Variants in PAK2 observed in about 807,000 individuals in gnomAD.
PAK2 encodes the protein p21 (RAC1) activated kinase 2, also known as serine/threonine-protein kinase PAK 2.
A neutral mutation model predicts 65.9 loss-of-function variants in PAK2; 21 were observed. The observed-to-expected ratio is 0.32, with a 90% CI of 0.23 to 0.46. The LOEUF is 0.46. PAK2 is among the 20% of genes least tolerant of loss of function. The pLI is 1.00. For synonymous variants in PAK2, 204 were observed against 219.7 expected, an observed-to-expected ratio of 0.93 and a Z score of 0.63; for missense variants, 324 against 642.6, an observed-to-expected ratio of 0.50 and a Z score of 5.36.
At chr3:196,817,060 C>T (rs751918372) in intron 11 of PAK2, among the ~76,000 whole-genome samples, 23 of 151,046 alleles carry the variant, frequency 1.5e-4, no homozygotes, top group Admixed American at 5.3e-4. Flanking sequence ...TGGGAATGAT[C>T]AAGGTTTTTT....
At chr3:196,783,993 G>T (rs1465774583) in intron 2 of PAK2, among the ~76,000 whole-genome samples, 1 of 152,152 alleles carries the variant, frequency 6.6e-6, no homozygotes, top group Non-Finnish European at 1.5e-5. Context: ...TTGTTTTCAT[G>T]AATAGTGTTG....
At chr3:196,757,575 T>C (rs1449406643) in intron 1 of PAK2, among the ~76,000 whole-genome samples, 2 of 152,030 alleles carry the variant, frequency 1.3e-5, no homozygotes, top group Non-Finnish European at 1.5e-5. Flanking sequence ...CTACTTTTAT[T>C]ATATAAGAAT....
chr3:196,768,487 T>TG (rs773491090), intron 1 of PAK2, among the ~76,000 whole-genome samples: 4,063 of 150,708 alleles, frequency 0.027, 85 homozygotes, highest in Middle Eastern at 0.068. Flanking sequence ...CTTTATTTTA[T>TG]TTATATATGT....
In PAK2 at chr3:196,802,038, C is replaced by T; in HGVS notation, c.288+11C>T. 7.6e-7 allele frequency: 1 copy of T among 1,311,640 alleles called. No homozygotes were observed. Among genetic ancestry groups the T allele is most frequent in the Non-Finnish European group, 1.1e-6 (1 of 905,384 alleles). 81.3% of individuals were successfully genotyped at this position (1,311,640 alleles called of 1,614,324 possible). The stretch of plus-strand genomic sequence containing the variant: ...ACTGGAGAATTCACTGTAAGTTAAC[C>T]TAGTTCGGGCCCATTTATAACGTTT... On this transcript the variant is annotated intron_variant, in intron 3 of 14. Coordinates refer to ENST00000327134, the MANE Select transcript of PAK2 (RefSeq NM_002577.4).
intron 11 of PAK2, among the ~76,000 whole-genome samples, chr3:196,815,976 C>T (rs1716015738): frequency 6.6e-6 from 1 of 152,088 alleles, no homozygotes; most frequent in Non-Finnish European, 1.5e-5. Flanking sequence ...TTAGCTTAAA[C>T]CAGTAGAATT....
chr3:196,808,134 A>G (rs1715646220), intron 7 of PAK2: 3 of 381,072 alleles, frequency 7.9e-6, no homozygotes, highest in East Asian at 5.2e-5. Context: ...CCTGGCCAAC[A>G]TGGTGAAACC....
rs773156274 is a variant in PAK2, at chr3:196,812,196, G to A, written c.774-23G>A. ...CTAGTGATTTATCAACCTTAAATCT[G>A]GTTGTGTGTTTTCTCCCTCTAGGGC... On this transcript the variant is annotated intron_variant, in intron 8 of 14. Transcript: ENST00000327134. 16 of 1,424,066 alleles carry A rather than the reference G, an allele frequency of 1.1e-5. No homozygotes were observed. In the East Asian group the frequency reaches 1.6e-4, roughly 14 times the overall value. The allele number at this position is 1,424,066 out of a possible 1,614,324, so 88.2% of individuals were successfully genotyped here. A position where few individuals can be genotyped will look rare whatever the true frequency, so the allele number is the denominator to read the frequency against.
chr3:196,752,989 T>G (rs532910169), intron 1 of PAK2, among the ~76,000 whole-genome samples: 7 of 151,888 alleles, frequency 4.6e-5, no homozygotes, highest in Admixed American at 2.0e-4. Context: ...AAAAAATTTT[T>G]TTTTTTTTTG....
intron 1 of PAK2, among the ~76,000 whole-genome samples, chr3:196,751,337 GTTTCGTGCACAAAATTAT>G (rs1272318361): frequency 6.6e-6 from 1 of 151,920 alleles, no homozygotes; most frequent in Non-Finnish European, 1.5e-5. Context: ...TGCAAACCAT[GTTTCGTGCACAAAATTAT>G]TTAAAATATT....
rs76307703 is a variant in PAK2, at chr3:196,800,406, G to T, written c.188-1521G>T. On this transcript the variant is annotated intron_variant, in intron 2 of 14. Coordinates refer to ENST00000327134, the MANE Select transcript of PAK2 (RefSeq NM_002577.4). ...TAAAAAAGAAAAAGAAAGAAAGAAAGAAATTCTCCTTAAAATTCATCTGTA... is the reference window on the plus strand; with the variant it reads ...TAAAAAAGAAAAAGAAAGAAAGAAATAAATTCTCCTTAAAATTCATCTGTA... Among the ~76,000 whole-genome samples, 19 of 152,086 alleles carry T rather than the reference G, an allele frequency of 1.2e-4. 1 individual carries two copies. In the East Asian group the frequency reaches 3.7e-3, roughly 29 times the overall value.
At chr3:196,751,744 T>TC (rs1180340186) in intron 1 of PAK2, among the ~76,000 whole-genome samples, 2 of 36,718 alleles carry the variant, frequency 5.4e-5, no homozygotes, top group African/African-American at 2.0e-4. Context: ...TGAATTTCTT[T>TC]TTTTTTTTTT....
At chr3:196,758,476 A>G (rs1713838260) in intron 1 of PAK2, among the ~76,000 whole-genome samples, 1 of 152,224 alleles carries the variant, frequency 6.6e-6, no homozygotes, top group Non-Finnish European at 1.5e-5. Flanking sequence ...TCAGATGGCA[A>G]TTAAAGAAAC....
chr3:196,774,559 T>C (rs1714475306), intron 1 of PAK2, among the ~76,000 whole-genome samples: 1 of 152,182 alleles, frequency 6.6e-6, no homozygotes, highest in African/African-American at 2.4e-5. Flanking sequence ...CAGAAATAGA[T>C]ACATAAAAAT....
Position 196,829,177 on chromosome 3 carries a change from C to T in PAK2, c.*772C>T, listed in dbSNP as rs1387664450. ...GAAAAAGATTCCCATTGACTGTAGA[C>T]TTCTTCCCATTTTGTCTTCCCTTCT... On this transcript the variant is annotated 3_prime_UTR_variant, in exon 15 of 15. Transcript: ENST00000327134. 2.6e-5 allele frequency: 4 copies of T among 152,602 alleles called. No individual in the cohort carries two copies. The highest frequency in any genetic ancestry group is 1.3e-4 in the Admixed American group (2 of 15,258). The allele number at this position is 152,602 out of a possible 1,614,324, so 9.5% of individuals were successfully genotyped here.
chr3:196,819,039 C>T (rs900104312), intron 12 of PAK2, among the ~76,000 whole-genome samples: 1 of 152,128 alleles, frequency 6.6e-6, no homozygotes, highest in African/African-American at 2.4e-5. Flanking sequence ...GCAGTAAGTA[C>T]AAGGATGTTC....
intron 2 of PAK2, among the ~76,000 whole-genome samples, chr3:196,785,243 A>T (rs1356656672): frequency 1.3e-5 from 2 of 152,184 alleles, no homozygotes; most frequent in Non-Finnish European, 2.9e-5. Flanking sequence ...ACGTTGTCTT[A>T]TGAAACAGTT....
intron 7 of PAK2, among the ~76,000 whole-genome samples, chr3:196,808,557 CAAAAA>C (rs1208200034): frequency 5.3e-5 from 3 of 56,566 alleles, no homozygotes; most frequent in East Asian, 7.0e-4. Flanking sequence ...GACTCCATCT[CAAAAA>C]AAAAAAAAAA....
At chr3:196,762,628 T>C (rs1427416650) in intron 1 of PAK2, among the ~76,000 whole-genome samples, 1 of 151,198 alleles carries the variant, frequency 6.6e-6, no homozygotes, top group Non-Finnish European at 1.5e-5. Flanking sequence ...TGAGCTGAGA[T>C]GGCAGCAGTA....
chr3:196,815,555 GA>G (rs1560116264), intron 11 of PAK2, among the ~76,000 whole-genome samples: 1 of 151,518 alleles, frequency 6.6e-6, no homozygotes, highest in Non-Finnish European at 1.5e-5. Flanking sequence ...TTGGGAGGCC[GA>G]GGCGGGCAGA....
Sources: gnomAD v4.1 joint callset for allele counts (sites outside exome capture counted in the v4.1 genomes callset) on GRCh38, gnomAD v4.1.1 for gene constraint, MANE v1.5 for transcripts, NCBI Gene and HGNC (gene_info 2026-07-23, HGNC 2026-07-21) for gene names.